GALNT10: variants seen among roughly 807,000 people sequenced by gnomAD.
The protein encoded by GALNT10 is polypeptide N-acetylgalactosaminyltransferase 10.
In GALNT10, 41 loss-of-function variants were observed where a neutral mutation model predicts 75.0. The ratio of observed to expected loss-of-function variants is 0.55; its 90% confidence interval spans 0.43 to 0.71. The LOEUF (loss-of-function observed/expected upper bound fraction) is 0.71. GALNT10 is among the 30% of genes least tolerant of loss of function. The probability of loss-of-function intolerance (pLI) is 0.00; values close to 1 mark genes in which losing one functional copy is unlikely to be tolerated. For missense variants in GALNT10, 727 were observed against 818.5 expected, an observed-to-expected ratio of 0.89 and a Z score of 1.36; for synonymous variants, 302 against 313.0, an observed-to-expected ratio of 0.96 and a Z score of 0.37.
intron 3 of GALNT10, among the ~76,000 whole-genome samples, chr5:154,315,681 AAAC>A (rs1754585653): frequency 6.6e-6 from 1 of 152,216 alleles, no homozygotes. Flanking sequence ...CTTCTGCCCT[AAAC>A]AACTGTGGCC....
At chr5:154,271,968 C>T (rs996697682) in intron 1 of GALNT10, among the ~76,000 whole-genome samples, 1 of 152,320 alleles carries the variant, frequency 6.6e-6, no homozygotes, top group African/African-American at 2.4e-5. Flanking sequence ...AGGTCTCATG[C>T]CTTCCTTATG....
In GALNT10 at chr5:154,254,112, T is replaced by A. The variant is rs552146758; in HGVS notation, c.160-40704T>A. The stretch of plus-strand genomic sequence containing the variant: ...CAGGACCAGCAGCCACTGTTTCCAT[T>A]GCTTCCTATTTCCTCCCACACAGGT... On this transcript the variant is annotated intron_variant, in intron 1 of 11. Transcript: ENST00000297107. Among the ~76,000 whole-genome samples the A allele has an allele frequency of 2.3e-3, 351 of 152,340 alleles. 1 individual carries two copies. Among genetic ancestry groups the A allele is most frequent in the Non-Finnish European group, 2.7e-3 (186 of 68,022 alleles).
chr5:154,229,525 G>C (rs1270387795), intron 1 of GALNT10, among the ~76,000 whole-genome samples: 1 of 151,770 alleles, frequency 6.6e-6, no homozygotes, highest in East Asian at 1.9e-4. Context: ...TCAGGAGATC[G>C]AGACCATCTT....
chr5:154,216,172 C>T (rs550146329), intron 1 of GALNT10, among the ~76,000 whole-genome samples: 1 of 152,244 alleles, frequency 6.6e-6, no homozygotes, highest in South Asian at 2.1e-4. Flanking sequence ...TACAAACTGT[C>T]TCTGGAAGTT....
At chr5:154,220,047 C>T (rs894594354) in intron 1 of GALNT10, 1 of 152,164 alleles carries the variant, frequency 6.6e-6, no homozygotes, top group Non-Finnish European at 1.5e-5. Flanking sequence ...TTGTTTATTT[C>T]CTTTCCATAG....
chr5:154,202,721 G>A (rs1012395536), intron 1 of GALNT10, among the ~76,000 whole-genome samples: 38 of 152,198 alleles, frequency 2.5e-4, no homozygotes, highest in African/African-American at 8.9e-4. Context: ...TGGCACACGA[G>A]CAGAGTCAGT....
chr5:154,211,656 G>C (rs1413307379), intron 1 of GALNT10, among the ~76,000 whole-genome samples: 1 of 152,206 alleles, frequency 6.6e-6, no homozygotes, highest in Non-Finnish European at 1.5e-5. Flanking sequence ...TGGTGGTACA[G>C]TGTCTCTCAT....
chr5:154,380,615 C>A lies in GALNT10; in HGVS notation c.922C>A (p.Pro308Thr), dbSNP rs751050579. The A allele has an allele frequency of 1.2e-6, 2 of 1,611,928 alleles. No individual in the cohort carries two copies. The highest frequency in any genetic ancestry group is 1.7e-6 in the Non-Finnish European group (2 of 1,178,454). The change falls in exon 6 of 12, where the codon CCC becomes ACC. Residue 308 changes from proline to threonine, a missense_variant. Physicochemically the swap from Pro to Thr is conservative, Grantham distance 38. Coordinates refer to ENST00000297107, the MANE Select transcript of GALNT10 (RefSeq NM_198321.4). ...PIPPELQKADPSDPFESPVMA... is the reference protein window; with the variant it reads ...PIPPELQKADTSDPFESPVMA... Reference sequence around the variant, plus strand: ...CCCTCCAGAACTGCAGAAAGCTGACCCCAGCGACCCATTTGAGTAAGTATG... The same window carrying A: ...CCCTCCAGAACTGCAGAAAGCTGACACCAGCGACCCATTTGAGTAAGTATG...
At chr5:154,296,003 T>C (rs796904762) in intron 2 of GALNT10, among the ~76,000 whole-genome samples, 3 of 152,294 alleles carry the variant, frequency 2.0e-5, no homozygotes, top group African/African-American at 7.2e-5. Flanking sequence ...GCTGGTGCAA[T>C]AACTTAACTG....
chr5:154,264,139 G>A (rs188451880), intron 1 of GALNT10, among the ~76,000 whole-genome samples: 51 of 151,904 alleles, frequency 3.4e-4, no homozygotes, highest in Non-Finnish European at 5.7e-4. Flanking sequence ...GTGGCAAAAC[G>A]CCATCTCTAC....
At chr5:154,206,682 G>T (rs1159777792) in intron 1 of GALNT10, among the ~76,000 whole-genome samples, 2 of 152,250 alleles carry the variant, frequency 1.3e-5, no homozygotes, top group Non-Finnish European at 2.9e-5. Context: ...GAAGCGGGGA[G>T]CCTCTTTCAA....
At chr5:154,329,452 C>T (rs1050665075) in intron 3 of GALNT10, 120 bp from the exon 4 acceptor site, 18 of 733,822 alleles carry the variant, frequency 2.5e-5, no homozygotes, top group African/African-American at 2.3e-4. Context: ...CTGGATTTTG[C>T]TCATTCCCTA....
intron 1 of GALNT10, among the ~76,000 whole-genome samples, chr5:154,245,196 A>C (rs1753402717): frequency 6.6e-6 from 1 of 152,200 alleles, no homozygotes; most frequent in Admixed American, 6.5e-5. Flanking sequence ...TAGAGCCACC[A>C]TGGTGGCAGT....
At chr5:154,237,127 G>T (rs1301751626) in intron 1 of GALNT10, among the ~76,000 whole-genome samples, 1 of 152,158 alleles carries the variant, frequency 6.6e-6, no homozygotes, top group African/African-American at 2.4e-5. Flanking sequence ...TTGGGATCTT[G>T]CAAGTGAGGA....
At chr5:154,405,927 T>G (rs766178198) in intron 8 of GALNT10, 1 of 151,144 alleles carries the variant, frequency 6.6e-6, no homozygotes, top group Non-Finnish European at 1.5e-5. Flanking sequence ...CGCCTCCTGC[T>G]TGTTATAGAA....
chr5:154,407,960 T>C (rs1384823488), intron 8 of GALNT10, among the ~76,000 whole-genome samples: 1 of 152,208 alleles, frequency 6.6e-6, no homozygotes, highest in Non-Finnish European at 1.5e-5. Flanking sequence ...CCTTCTCCAT[T>C]ACTCCAGAGT....
intron 1 of GALNT10, among the ~76,000 whole-genome samples, chr5:154,211,465 T>C (rs1446414113): frequency 1.3e-5 from 2 of 152,252 alleles, no homozygotes; most frequent in African/African-American, 4.8e-5. Flanking sequence ...CATCCGTGTA[T>C]GCAGGTTACT....
At chr5:154,359,331 T>C (rs1351584586) in intron 4 of GALNT10, among the ~76,000 whole-genome samples, 1 of 151,994 alleles carries the variant, frequency 6.6e-6, no homozygotes, top group African/African-American at 2.4e-5. Context: ...TAGAGAGATT[T>C]ATGAGGTCGG....
intron 10 of GALNT10, among the ~76,000 whole-genome samples, chr5:154,414,961 T>TA (rs1756475777): frequency 6.6e-6 from 1 of 152,056 alleles, no homozygotes; most frequent in Admixed American, 6.6e-5. Flanking sequence ...CCTTCTCTAC[T>TA]AAAACTACAA....
Sources: allele counts gnomAD v4.1 joint callset (sites outside exome capture counted in the v4.1 genomes callset), GRCh38; gene constraint gnomAD v4.1.1; transcripts MANE v1.5; gene names NCBI Gene and HGNC (gene_info 2026-07-23, HGNC 2026-07-21).